The following CREB5 variants were observed in gnomAD, a reference collection of about 807,000 sequenced individuals.
The protein encoded by CREB5 is cyclic AMP-responsive element-binding protein 5.
In CREB5, 19 loss-of-function variants were observed where a neutral mutation model predicts 57.1. The observed-to-expected ratio is 0.33, with a 90% confidence interval of 0.23 to 0.49. CREB5 has a LOEUF of 0.49. Ranked by LOEUF, CREB5 falls within the 20% of genes least tolerant of loss-of-function variation. The probability of loss-of-function intolerance (pLI) is 0.99; values close to 1 mark genes in which losing one functional copy is unlikely to be tolerated. For synonymous variants in CREB5, 238 were observed against 238.3 expected (o/e 1.00, Z 0.01); for missense variants, 579 against 671.6 (o/e 0.86, Z 1.52).
intron 7 of CREB5, among the ~76,000 whole-genome samples, chr7:28,758,518 AT>A (rs1306021390): frequency 6.6e-6 from 1 of 152,186 alleles, no homozygotes; most frequent in East Asian, 1.9e-4. Context: ...TAGCTTGTCA[AT>A]TCAGTGAGAC....
chr7:28,771,730 T>C (rs1806334716), intron 7 of CREB5, among the ~76,000 whole-genome samples: 1 of 148,984 alleles, frequency 6.7e-6, no homozygotes, highest in Non-Finnish European at 1.5e-5. Context: ...CACTTCATAA[T>C]GTTTAAAGCA....
chr7:28,333,602 A>G (rs1785756574), intron 1 of CREB5, among the ~76,000 whole-genome samples: 1 of 152,030 alleles, frequency 6.6e-6, no homozygotes. Flanking sequence ...CATGAGTTCA[A>G]TTGTTTTAAT....
At chr7:28,818,968 G>C (rs1368915036) in intron 10 of CREB5, 148 bp from the exon 11 acceptor site, 12 of 944,228 alleles carry the variant, frequency 1.3e-5, no homozygotes, top group Non-Finnish European at 1.9e-5. Flanking sequence ...ATAAAGTTTT[G>C]AAATTAACTT....
chr7:28,575,800 G>T (rs1343486851), intron 5 of CREB5, among the ~76,000 whole-genome samples: 3 of 152,130 alleles, frequency 2.0e-5, no homozygotes, highest in East Asian at 3.8e-4. Context: ...GATGCTTTCT[G>T]GGAGGGTTGA....
Position 28,418,597 on chromosome 7 carries a change from A to C in CREB5, c.3+5680A>C, listed in dbSNP as rs56175237. Among the ~76,000 whole-genome samples, 933 of 152,338 alleles carry C rather than the reference A, an allele frequency of 6.1e-3. 4 individuals carry two copies. The highest frequency in any genetic ancestry group is 0.021 in the African/African-American group (866 of 41,570). On this transcript the variant is annotated intron_variant, in intron 1 of 10. Coordinates refer to ENST00000357727, the MANE Select transcript of CREB5 (RefSeq NM_182898.4). The stretch of plus-strand genomic sequence containing the variant: ...TCAACCATATCGCCTTTAAAGCATG[A>C]CTATAAACTAGTTTTAAATATAAAA...
intron 1 of CREB5, among the ~76,000 whole-genome samples, chr7:28,330,355 A>G (rs1785690290): frequency 6.8e-6 from 1 of 147,130 alleles, no homozygotes; most frequent in African/African-American, 2.5e-5. Context: ...AATATGACTT[A>G]ATTGTTTAAA....
intron 1 of CREB5, among the ~76,000 whole-genome samples, chr7:28,431,630 T>A (rs1042376454): frequency 2.0e-5 from 3 of 152,180 alleles, no homozygotes; most frequent in African/African-American, 7.2e-5. Flanking sequence ...ATTAAAAATA[T>A]GTTAATTTTA....
chr7:28,608,552 C>T (rs929263931), intron 5 of CREB5, among the ~76,000 whole-genome samples: 1 of 152,138 alleles, frequency 6.6e-6, no homozygotes, highest in Non-Finnish European at 1.5e-5. Context: ...TCCCTGCCTC[C>T]CTGGCTCCCA....
intron 1 of CREB5, among the ~76,000 whole-genome samples, chr7:28,325,060 T>G (rs1284375532): frequency 1.3e-5 from 2 of 152,250 alleles, no homozygotes; most frequent in Admixed American, 1.3e-4. Context: ...CTGTCATCTT[T>G]TCTAATCTGA....
rs371258615 is a variant in CREB5 at position 28,514,034 on chromosome 7, A to G, written c.291+6297A>G. Among the ~76,000 whole-genome samples the G allele has an allele frequency of 2.0e-5, 3 of 152,250 alleles. No individual in the cohort carries two copies. The East Asian group carries it at 5.8e-4, about 29-fold the overall frequency. Reference sequence around the variant, plus strand: ...TCGATGTAGATGATGAGAGCAGCTCAGGAAGCTGACAGCTTAGAGGAATAC... The same window carrying G: ...TCGATGTAGATGATGAGAGCAGCTCGGGAAGCTGACAGCTTAGAGGAATAC... On this transcript the variant is annotated intron_variant, in intron 4 of 10. Coordinates refer to ENST00000357727, the MANE Select transcript of CREB5 (RefSeq NM_182898.4).
At chr7:28,705,287 C>G (rs1415707261) in intron 5 of CREB5, among the ~76,000 whole-genome samples, 1 of 148,792 alleles carries the variant, frequency 6.7e-6, no homozygotes, top group Non-Finnish European at 1.5e-5. Flanking sequence ...TGCTTGAACC[C>G]GGGAAGCAGA....
intron 1 of CREB5, among the ~76,000 whole-genome samples, chr7:28,309,981 G>A (rs969673630): frequency 2.6e-5 from 4 of 152,116 alleles, no homozygotes; most frequent in South Asian, 2.1e-4. Context: ...AGAGAAGGGC[G>A]GGAACACTTT....
intron 4 of CREB5, among the ~76,000 whole-genome samples, chr7:28,563,769 C>T (rs187365881): frequency 8.3e-4 from 126 of 152,098 alleles, no homozygotes; most frequent in African/African-American, 2.9e-3. Flanking sequence ...GCTCTCCTCT[C>T]CTTTCTGAAG....
At chr7:28,442,631 C>T (rs996555140) in intron 1 of CREB5, among the ~76,000 whole-genome samples, 1 of 152,066 alleles carries the variant, frequency 6.6e-6, no homozygotes, top group African/African-American at 2.4e-5. Flanking sequence ...AACTTTTTGT[C>T]TTTTCGATAA....
At chr7:28,684,495 G>T (rs777071241) in intron 5 of CREB5, among the ~76,000 whole-genome samples, 17 of 152,204 alleles carry the variant, frequency 1.1e-4, no homozygotes, top group Non-Finnish European at 1.2e-4. Context: ...TCTTCACCCT[G>T]AGTACGGCAA....
chr7:28,514,963 T>G lies in CREB5; in HGVS notation c.291+7226T>G, dbSNP rs1179952475. Among the ~76,000 whole-genome samples the G allele has an allele frequency of 8.4e-5, 3 of 35,632 alleles. No individual in the cohort carries two copies. In the East Asian group the frequency reaches 2.6e-3, roughly 31 times the overall value. 23.4% of individuals were successfully genotyped at this position (35,632 alleles called of 152,430 possible). ...TTGCTAGGGAAGCTGGACGTTAATT[T>G]TGGGAAAGACTATTGTGTTGGAAAT... On this transcript the variant is annotated intron_variant, in intron 4 of 10. Coordinates refer to ENST00000357727, the MANE Select transcript of CREB5 (RefSeq NM_182898.4).
At chr7:28,488,132 A>G in intron 1 of CREB5, 43 bp from the exon 2 acceptor site, 1 of 1,579,522 alleles carries the variant, frequency 6.3e-7, no homozygotes, top group East Asian at 2.2e-5. Flanking sequence ...GAAGATATTC[A>G]TGGATTTCTT....
intron 1 of CREB5, among the ~76,000 whole-genome samples, chr7:28,373,749 A>T (rs1379187220): frequency 6.6e-6 from 1 of 151,966 alleles, no homozygotes; most frequent in African/African-American, 2.4e-5. Context: ...TAATACTGTT[A>T]CATATTTTCT....
At chr7:28,609,000 T>A (rs189989870) in intron 5 of CREB5, 2 of 152,330 alleles carry the variant, frequency 1.3e-5, no homozygotes, top group Admixed American at 1.3e-4. Flanking sequence ...TCACGGTATA[T>A]CTGTAGTTGT....
Sources: gnomAD v4.1 joint callset for allele counts (sites outside exome capture counted in the v4.1 genomes callset) on GRCh38, gnomAD v4.1.1 for gene constraint, MANE v1.5 for transcripts, NCBI Gene and HGNC (gene_info 2026-07-23, HGNC 2026-07-21) for gene names.